Variants in NSD1 observed in about 807,000 individuals in gnomAD.
NSD1 encodes nuclear receptor binding SET domain protein 1.
A neutral mutation model predicts 242.7 loss-of-function variants in NSD1; 26 were observed. The ratio of observed to expected loss-of-function variants is 0.11; its 90% CI spans 0.08 to 0.15. NSD1 has a LOEUF of 0.15. Among genes scored for constraint, NSD1 ranks in the 10% least tolerant of loss-of-function variants. NSD1 has a pLI of 1.00. For synonymous variants in NSD1, 1,106 were observed against 1,178.1 expected, an observed-to-expected ratio of 0.94 and a Z score of 1.25; for missense variants, 2,495 against 3,272.8, an observed-to-expected ratio of 0.76 and a Z score of 5.80.
chr5:177,290,472 A>G (rs548785110), intron 21 of NSD1, among the ~76,000 whole-genome samples: 1 of 149,134 alleles, frequency 6.7e-6, no homozygotes, highest in Non-Finnish European at 1.5e-5. Flanking sequence ...CAATGGTATG[A>G]TCTCGGCTCA....
intron 14 of NSD1, chr5:177,265,840 C>T: frequency 1.4e-6 from 2 of 1,405,360 alleles, no homozygotes; most frequent in African/African-American, 1.4e-5. Context: ...AGTAGGCCAC[C>T]TGGGTGTGCA....
In NSD1 at chr5:177,212,300, T is replaced by C. The variant is rs185095689; in HGVS notation, c.3796+105T>C. 1.1e-5 allele frequency: 13 copies of C among 1,155,496 alleles called. No individual in the cohort carries two copies. The East Asian group carries it at 3.3e-4, about 29-fold the overall frequency. 71.6% of individuals were successfully genotyped at this position (1,155,496 alleles called of 1,614,324 possible). ...TGTAATGGTAAAGTGAAGTATAAAC[T>C]AGCGGGGAAGAATCATCACTTCAAT... On this transcript the variant is annotated intron_variant, in intron 5 of 22. Coordinates refer to ENST00000439151, the MANE Select transcript of NSD1 (RefSeq NM_022455.5).
At chr5:177,189,366 C>T (rs1761491367) in intron 2 of NSD1, among the ~76,000 whole-genome samples, 1 of 152,148 alleles carries the variant, frequency 6.6e-6, no homozygotes, top group Admixed American at 6.6e-5. Flanking sequence ...CATTCTTTCT[C>T]CTCTGTCTAT....
At chr5:177,237,583 A>T (rs1457349386) in intron 6 of NSD1, among the ~76,000 whole-genome samples, 1 of 131,964 alleles carries the variant, frequency 7.6e-6, no homozygotes, top group Non-Finnish European at 1.5e-5. Flanking sequence ...CCCAGGCTGG[A>T]GTGCAGTGGT....
intron 2 of NSD1, among the ~76,000 whole-genome samples, chr5:177,180,096 T>C (rs1024763706): frequency 2.0e-5 from 3 of 150,752 alleles, no homozygotes; most frequent in Non-Finnish European, 4.4e-5. Flanking sequence ...TTATTTTATT[T>C]ATTTATTTTT....
At chr5:177,289,074 C>A in intron 21 of NSD1, 149 bp downstream of exon 21, 4 of 688,304 alleles carry the variant, frequency 5.8e-6, no homozygotes, top group Non-Finnish European at 1.0e-5. Context: ...AATCCCAGCA[C>A]TTTGGGAGGC....
At position 177,211,307 on chromosome 5, in the gene NSD1, G is replaced by T. The variant is rs1320591676; in HGVS notation, c.2908G>T (p.Asp970Tyr). Residue 970 changes from aspartate to tyrosine, a missense_variant, in exon 5 of 23, where the codon GAT becomes TAT. Transcript: ENST00000439151. ...CACACACAATTCAGAGAAAAAGGGA[G>T]ATGGCACTCAGAACTCCGCCAATCC... is the stretch of plus-strand genomic sequence containing the variant. The part of the protein sequence containing the change: ...GSTHNSEKKG[D>Y]GTQNSANPSP... 1 of 1,614,150 alleles carries T rather than the reference G, an allele frequency of 6.2e-7. No homozygotes were observed. Among genetic ancestry groups the T allele is most frequent in the Non-Finnish European group, 8.5e-7 (1 of 1,180,050 alleles).
At chr5:177,223,081 CTT>C (rs559743026) in intron 5 of NSD1, among the ~76,000 whole-genome samples, 4 of 136,480 alleles carry the variant, frequency 2.9e-5, no homozygotes, top group Non-Finnish European at 3.2e-5. Flanking sequence ...TTTTCTTTTT[CTT>C]TTTTTTTTTT....
chr5:177,280,093 TCAGCCTCCCAAGTAGC>T (rs1284080663), intron 17 of NSD1, among the ~76,000 whole-genome samples: 17 of 151,232 alleles, frequency 1.1e-4, no homozygotes, highest in Admixed American at 9.3e-4. Context: ...CACTGCAAGC[TCAGCCTCCCAAGTAGC>T]TGGGACTACA....
chr5:177,185,996 T>C (rs1761165224), intron 2 of NSD1, among the ~76,000 whole-genome samples: 1 of 98,704 alleles, frequency 1.0e-5, no homozygotes, highest in South Asian at 2.8e-4. Context: ...TATTTTATAT[T>C]ATATAATTTA....
At chr5:177,207,518 G>T (rs192949480) in intron 4 of NSD1, among the ~76,000 whole-genome samples, 6 of 147,896 alleles carry the variant, frequency 4.1e-5, no homozygotes, top group Non-Finnish European at 7.4e-5. Flanking sequence ...TCCTGACCTT[G>T]TGATCTGCCC....
At chr5:177,273,525 G>C (rs59992310) in intron 16 of NSD1, 147 bp from the exon 17 acceptor site, 7 of 649,856 alleles carry the variant, frequency 1.1e-5, no homozygotes, top group Non-Finnish European at 2.0e-5. Flanking sequence ...TAGCTGTTAT[G>C]TGTTTTCTTT....
At chr5:177,259,592 G>T (rs1265716522) in intron 13 of NSD1, among the ~76,000 whole-genome samples, 1 of 152,128 alleles carries the variant, frequency 6.6e-6, no homozygotes, top group Non-Finnish European at 1.5e-5. Context: ...GTATTTGAGG[G>T]GATGTGTTTC....
chr5:177,145,676 G>T (rs1757179793), intron 2 of NSD1, among the ~76,000 whole-genome samples: 1 of 152,146 alleles, frequency 6.6e-6, no homozygotes. Flanking sequence ...ACTTTGGGAG[G>T]CTGAGGTGGA....
At chr5:177,203,996 A>C in intron 3 of NSD1, 124 bp from the exon 4 acceptor site, 1 of 914,722 alleles carries the variant, frequency 1.1e-6, no homozygotes, top group South Asian at 1.3e-5. Context: ...TAGGTTGTCT[A>C]GTTCAGTGGG....
intron 2 of NSD1, among the ~76,000 whole-genome samples, chr5:177,188,512 A>G (rs865949536): frequency 8.6e-5 from 13 of 151,014 alleles, no homozygotes; most frequent in African/African-American, 2.7e-4. Flanking sequence ...ACCATCAATT[A>G]ATGAAACTTT....
In NSD1 at chr5:177,212,215, A is replaced by AT. The variant is rs552714235; in HGVS notation, c.3796+21dup. 13,966 of 1,594,968 alleles carry AT rather than the reference A, an allele frequency of 8.8e-3. 17 individuals carry two copies. Among genetic ancestry groups the AT allele is most frequent in the Non-Finnish European group, 0.01 (11,727 of 1,172,466 alleles). ...AACCAGGTAAGGACATCTAAATGTG[A>AT]TAAAAAAAAAAAAATTGGAGAAAGT... On this transcript the variant is annotated intron_variant, in intron 5 of 22. Transcript: ENST00000439151.
rs184482032 is a variant in NSD1 at position 177,160,925 on chromosome 5, C to T, written c.927+24895C>T. Among the ~76,000 whole-genome samples the T allele has an allele frequency of 6.3e-3, 953 of 152,086 alleles. 2 individuals are homozygous for T. The highest frequency in any genetic ancestry group is 9.3e-3 in the Non-Finnish European group (631 of 67,990). On this transcript the variant is annotated intron_variant, in intron 2 of 22. Coordinates refer to ENST00000439151, the MANE Select transcript of NSD1 (RefSeq NM_022455.5). ...CTGGGACTACAGCCATGAGCCACCA[C>T]GCCCAGCTAATTTTTGTGTTTTTAG...
chr5:177,209,294 G>C (rs1468610896), intron 4 of NSD1, among the ~76,000 whole-genome samples: 3 of 151,792 alleles, frequency 2.0e-5, no homozygotes, highest in Non-Finnish European at 4.4e-5. Flanking sequence ...TTGGGAGGCT[G>C]AGGTGAGCGG....
Sources: gnomAD v4.1 joint callset for allele counts (sites outside exome capture counted in the v4.1 genomes callset) on GRCh38, gnomAD v4.1.1 for gene constraint, MANE v1.5 for transcripts, NCBI Gene and HGNC (gene_info 2026-07-23, HGNC 2026-07-21) for gene names.